Variants in SMYD3 observed in about 807,000 individuals in gnomAD.
The protein encoded by SMYD3 is SET and MYND domain containing 3.
In SMYD3, 36 loss-of-function variants were observed where a neutral mutation model predicts 57.7. The ratio of observed to expected loss-of-function variants is 0.62; its 90% CI spans 0.48 to 0.82. The LOEUF (loss-of-function observed/expected upper bound fraction) is 0.82. Among genes scored for constraint, SMYD3 ranks in the 40% least tolerant of loss-of-function variants. The pLI is 0.00. For synonymous variants in SMYD3, 211 were observed against 195.0 expected (o/e 1.08, Z -0.68); for missense variants, 515 against 538.8 (o/e 0.96, Z 0.44).
At chr1:246,442,276 G>C (rs1490436354) in intron 1 of SMYD3, among the ~76,000 whole-genome samples, 1 of 152,204 alleles carries the variant, frequency 6.6e-6, no homozygotes, top group Non-Finnish European at 1.5e-5. Flanking sequence ...GACTATTGAG[G>C]CCAGGCATGG....
At chr1:245,903,697 C>G (rs182155514) in intron 8 of SMYD3, among the ~76,000 whole-genome samples, 1 of 152,182 alleles carries the variant, frequency 6.6e-6, no homozygotes. Flanking sequence ...AGTTTGGCTC[C>G]GTGTCCTTAC....
intron 5 of SMYD3, among the ~76,000 whole-genome samples, chr1:245,951,241 G>A (rs976189950): frequency 3.3e-5 from 5 of 151,874 alleles, no homozygotes; most frequent in African/African-American, 4.8e-5. Context: ...AGAAAGATGC[G>A]GGGGTGAATT....
chr1:246,379,310 A>G (rs2148747666), intron 1 of SMYD3, among the ~76,000 whole-genome samples: 2 of 152,202 alleles, frequency 1.3e-5, no homozygotes, highest in South Asian at 4.1e-4. Context: ...AGGAGTGCTC[A>G]GTAACTATTA....
At chr1:246,209,106 C>T (rs1476987535) in intron 5 of SMYD3, among the ~76,000 whole-genome samples, 8 of 152,148 alleles carry the variant, frequency 5.3e-5, no homozygotes, top group Non-Finnish European at 1.2e-4. Context: ...TTACTGCCAA[C>T]ATTTTAAGCC....
intron 1 of SMYD3, among the ~76,000 whole-genome samples, chr1:246,420,631 G>T (rs1002267898): frequency 6.6e-6 from 1 of 152,210 alleles, no homozygotes; most frequent in South Asian, 2.1e-4. Context: ...CTACGCAGGT[G>T]AAAGATTCAA....
In SMYD3 at chr1:245,949,825, A is replaced by ACC. The variant is rs376505931; in HGVS notation, c.532-19890_532-19889dup. ...CCCTGTCTCCAAAAAAAAGAAACCC[A>ACC]CCCCCCCCACCCCCACCCAACCAAC... On this transcript the variant is annotated intron_variant, in intron 5 of 11. Coordinates refer to ENST00000490107, the MANE Select transcript of SMYD3 (RefSeq NM_001167740.2). Among the ~76,000 whole-genome samples the ACC allele has an allele frequency of 1.0e-3, 97 of 93,330 alleles. 2 individuals carry two copies. The highest frequency in any genetic ancestry group is 7.4e-3 in the East Asian group (16 of 2,168). The allele number at this position is 93,330 out of a possible 152,430, so 61.2% of individuals were successfully genotyped here. A position where few individuals can be genotyped will look rare whatever the true frequency, so the allele number is the denominator to read the frequency against.
intron 10 of SMYD3, among the ~76,000 whole-genome samples, chr1:245,836,158 G>T (rs2050095997): frequency 6.6e-6 from 1 of 152,154 alleles, no homozygotes; most frequent in Non-Finnish European, 1.5e-5. Flanking sequence ...TACTTCTGTG[G>T]CCAGGAGAGA....
intron 1 of SMYD3, among the ~76,000 whole-genome samples, chr1:246,425,227 CT>C (rs2067201154): frequency 6.6e-6 from 1 of 152,072 alleles, no homozygotes; most frequent in Admixed American, 6.6e-5. Flanking sequence ...AACCCCAAAA[CT>C]TTTTCAACAC....
At chr1:246,082,476 T>A (rs2147844722) in intron 5 of SMYD3, among the ~76,000 whole-genome samples, 1 of 152,144 alleles carries the variant, frequency 6.6e-6, no homozygotes, top group African/African-American at 2.4e-5. Context: ...AGCAGGACCG[T>A]TTCCTACCCT....
intron 5 of SMYD3, among the ~76,000 whole-genome samples, chr1:246,268,994 G>A (rs1457929197): frequency 6.6e-6 from 1 of 152,050 alleles, no homozygotes; most frequent in East Asian, 1.9e-4. Context: ...AAAGTTACAG[G>A]TTCCCATTAC....
At position 245,827,950 on chromosome 1, in the gene SMYD3, G is replaced by A. The variant is rs2049599451; in HGVS notation, c.1076+30546C>T. On this transcript the variant is annotated intron_variant, in intron 10 of 11. Coordinates refer to ENST00000490107, the MANE Select transcript of SMYD3 (RefSeq NM_001167740.2). ...CTTTATCATTTTGCAGCACAGAGTTGTGCCCTAAAGCCTGAAGTGGGCAGA... is the reference window on the plus strand; with the variant it reads ...CTTTATCATTTTGCAGCACAGAGTTATGCCCTAAAGCCTGAAGTGGGCAGA... Among the ~76,000 whole-genome samples the A allele has an allele frequency of 2.0e-5, 3 of 152,148 alleles. No individual in the cohort carries two copies. The South Asian group carries it at 6.2e-4, about 32-fold the overall frequency.
chr1:246,055,101 G>A (rs934053204), intron 5 of SMYD3, among the ~76,000 whole-genome samples: 26 of 151,848 alleles, frequency 1.7e-4, no homozygotes, highest in African/African-American at 2.4e-4. Flanking sequence ...GAGTGAACCC[G>A]GGTGGCAGAG....
At chr1:245,994,475 C>G (rs565422586) in intron 5 of SMYD3, among the ~76,000 whole-genome samples, 1 of 152,286 alleles carries the variant, frequency 6.6e-6, no homozygotes, top group African/African-American at 2.4e-5. Flanking sequence ...GAGAGTTACT[C>G]TCTCTAGAGG....
intron 7 of SMYD3, among the ~76,000 whole-genome samples, chr1:245,916,585 A>G (rs1395382806): frequency 6.6e-6 from 1 of 152,122 alleles, no homozygotes; most frequent in Non-Finnish European, 1.5e-5. Flanking sequence ...TACACTTGCC[A>G]TCCAATCCAC....
At chr1:246,506,922 GGCAGCACCGCCAAGCTGCCTGT>G in intron 1 of SMYD3, 110 bp downstream of exon 1, 5 of 850,586 alleles carry the variant, frequency 5.9e-6, no homozygotes, top group Non-Finnish European at 8.2e-6. Context: ...GCGCGTCAGG[GGCAGCACCGCCAAGCTGCCTGT>G]GCAGCCCCAT....
chr1:246,219,658 G>T (rs1489954021), intron 5 of SMYD3, among the ~76,000 whole-genome samples: 1 of 152,144 alleles, frequency 6.6e-6, no homozygotes, highest in South Asian at 2.1e-4. Flanking sequence ...AGCTGTTAAC[G>T]CATAAGCCGT....
chr1:246,054,883 A>AAAAAAAG (rs2060122515), intron 5 of SMYD3, among the ~76,000 whole-genome samples: 2 of 151,210 alleles, frequency 1.3e-5, no homozygotes, highest in South Asian at 4.2e-4. Flanking sequence ...TAAAAAAAAA[A>AAAAAAAG]AAAAAAAAAA....
chr1:246,472,770 A>C (rs551485747), intron 1 of SMYD3, among the ~76,000 whole-genome samples: 8 of 152,104 alleles, frequency 5.3e-5, no homozygotes, highest in Admixed American at 2.0e-4. Context: ...AGAAAAAACA[A>C]AAAGCTTCCT....
intron 5 of SMYD3, among the ~76,000 whole-genome samples, chr1:246,242,407 G>C (rs10924606): frequency 0.21 from 31,503 of 152,052 alleles, 3,961 homozygotes; most frequent in East Asian, 0.58. Flanking sequence ...GGTTTTGAGT[G>C]AGTTTCTTAA....
Sources: gnomAD v4.1 joint callset for allele counts (sites outside exome capture counted in the v4.1 genomes callset) on GRCh38, gnomAD v4.1.1 for gene constraint, MANE v1.5 for transcripts, NCBI Gene and HGNC (gene_info 2026-07-23, HGNC 2026-07-21) for gene names.